Variants in ACTN2 observed in about 807,000 individuals in gnomAD.
The protein encoded by ACTN2 is alpha-actinin-2.
In ACTN2, 39 loss-of-function variants were observed where a neutral mutation model predicts 113.8. The ratio of observed to expected loss-of-function variants is 0.34; its 90% CI spans 0.27 to 0.45. The LOEUF is 0.45. Ranked by LOEUF, ACTN2 falls within the 20% of genes least tolerant of loss-of-function variation. ACTN2 has a pLI of 1.00. For missense variants in ACTN2, 992 were observed against 1,177.9 expected (o/e 0.84, Z 2.31); for synonymous variants, 429 against 444.1 (o/e 0.97, Z 0.43).
In ACTN2 at chr1:236,757,713, A is replaced by G. The variant is rs533866908; in HGVS notation, c.2301+81A>G. The G allele has an allele frequency of 3.0e-5, 47 of 1,563,890 alleles. No individual in the cohort carries two copies. In the African/African-American group the frequency reaches 6.1e-4, roughly 20 times the overall value. On this transcript the variant is annotated intron_variant, in intron 18 of 20. Transcript: ENST00000366578. The stretch of plus-strand genomic sequence containing the variant: ...GAAATAATATGCATGCTCTCGTTTT[A>G]AGTCTTAAGGCTCCACAACATTTAC...
intron 4 of ACTN2, among the ~76,000 whole-genome samples, chr1:236,723,822 C>A (rs2102901656): frequency 6.6e-6 from 1 of 152,180 alleles, no homozygotes. Context: ...AACTTCAACC[C>A]CTTCCTAAGA....
intron 1 of ACTN2, among the ~76,000 whole-genome samples, chr1:236,711,506 G>A (rs1034528011): frequency 2.0e-5 from 3 of 152,078 alleles, no homozygotes; most frequent in African/African-American, 7.2e-5. Context: ...GCGCCACCAC[G>A]CCAGGCTAAG....
In ACTN2 at chr1:236,760,879, G is replaced by A. The variant is rs1017179214; in HGVS notation, c.2368-136G>A. On this transcript the variant is annotated intron_variant, in intron 19 of 20. Coordinates refer to ENST00000366578, the MANE Select transcript of ACTN2 (RefSeq NM_001103.4). Reference sequence around the variant, plus strand: ...ACCCTTAAGGGGAATCTTGTCCAAAGACTGAAGGGAAACGCAGGTAATAAT... The same window carrying A: ...ACCCTTAAGGGGAATCTTGTCCAAAAACTGAAGGGAAACGCAGGTAATAAT... 7.9e-6 allele frequency: 9 copies of A among 1,142,756 alleles called. No individual in the cohort carries two copies. In the African/African-American group the frequency reaches 1.4e-4, roughly 17 times the overall value. 70.8% of individuals were successfully genotyped at this position (1,142,756 alleles called of 1,614,324 possible). A position where few individuals can be genotyped will look rare whatever the true frequency, so the allele number is the denominator to read the frequency against.
chr1:236,757,383 CT>C (rs1383861312), intron 17 of ACTN2, 102 bp from the exon 18 acceptor site: 11 of 1,438,616 alleles, frequency 7.6e-6, no homozygotes, highest in African/African-American at 7.0e-5. Flanking sequence ...ATGAGCCCTG[CT>C]TAGTAAGCCC....
At position 236,739,452 on chromosome 1, in the gene ACTN2, A is replaced by G. The variant is rs772347284; in HGVS notation, c.1027A>G (p.Ile343Val). Residue 343 changes from isoleucine (I) to valine (V), a missense_variant, in exon 10 of 21, where the codon ATC (isoleucine) becomes GTC (valine). Ile to Val is a conservative substitution (Grantham distance 29). Transcript: ENST00000366578. ...PKVQEKCQLE[I>V]NFNTLQTKLR... ...GGTGCAGGAGAAATGCCAGCTGGAG[A>G]TCAACTTCAACACGCTGCAGACCAA... The G allele has an allele frequency of 6.2e-7, 1 of 1,614,082 alleles. No individual in the cohort carries two copies. Among genetic ancestry groups the G allele is most frequent in the Non-Finnish European group, 8.5e-7 (1 of 1,180,022 alleles).
chr1:236,728,617 G>A (rs899609822), intron 6 of ACTN2, among the ~76,000 whole-genome samples: 2 of 134,336 alleles, frequency 1.5e-5, no homozygotes, highest in African/African-American at 6.1e-5. Context: ...TGGGGCAGGC[G>A]TTTTTTTTTA....
chr1:236,726,954 A>AT lies in ACTN2; in HGVS notation c.537-722dup, dbSNP rs543064944. Among the ~76,000 whole-genome samples the AT allele has an allele frequency of 3.5e-4, 53 of 152,314 alleles. 1 individual carries two copies. Among genetic ancestry groups the AT allele is most frequent in the Admixed American group, 3.2e-3 (49 of 15,304 alleles). On this transcript the variant is annotated intron_variant, in intron 5 of 20. Transcript: ENST00000366578. ...TCCTAGTTGGCCCAAGTACTTCAGC[A>AT]TTGTAGCACTGATAACTCTCACGGA...
intron 1 of ACTN2, among the ~76,000 whole-genome samples, chr1:236,691,260 T>C (rs1307122976): frequency 6.6e-6 from 1 of 151,528 alleles, no homozygotes; most frequent in Non-Finnish European, 1.5e-5. Flanking sequence ...CTTTTAAAGA[T>C]AGGATTTATA....
chr1:236,723,662 G>A (rs56904538), intron 4 of ACTN2, among the ~76,000 whole-genome samples: 209 of 151,970 alleles, frequency 1.4e-3, no homozygotes, highest in Non-Finnish European at 2.3e-3. Context: ...GATGGGATTC[G>A]CCATCTTGGG....
chr1:236,734,534 A>G (rs1290776574), intron 7 of ACTN2: 3 of 1,506,750 alleles, frequency 2.0e-6, no homozygotes, highest in East Asian at 4.9e-5. Context: ...GATGTAAACC[A>G]TGAGTCACTG....
chr1:236,746,205 C>T lies in ACTN2; in HGVS notation c.1406+1429C>T, dbSNP rs535526097. 1.1e-3 allele frequency among the ~76,000 whole-genome samples: 164 copies of T among 145,318 alleles called. 1 individual carries two copies. Among genetic ancestry groups the T allele is most frequent in the African/African-American group, 3.4e-3 (136 of 39,436 alleles). On this transcript the variant is annotated intron_variant, in intron 12 of 20. Coordinates refer to ENST00000366578, the MANE Select transcript of ACTN2 (RefSeq NM_001103.4). ...AAAAGAAAGAAAAAAAAAAAGAAAA[C>T]GAACTTAAGCTTTAAGAAAATGGAT...
In ACTN2 at chr1:236,720,136, G is replaced by C; in HGVS notation, c.393G>C (p.Leu131=). 3 of 1,613,678 alleles carry C rather than the reference G, an allele frequency of 1.9e-6. No individual in the cohort carries two copies. Among genetic ancestry groups the C allele is most frequent in the Non-Finnish European group, 2.5e-6 (3 of 1,179,606 alleles). ...EIVDGNVKMT[L]GMIWTIILRF... ...TTGATGGCAACGTGAAAATGACCCT[G>C]GGTATGATCTGGACCATCATCCTTC... Residue 131 remains leucine, a synonymous_variant, in exon 4 of 21, where the codon CTG becomes CTC. Transcript: ENST00000366578.
chr1:236,695,563 T>TTCCCCCCCC (rs1553296741), intron 1 of ACTN2, among the ~76,000 whole-genome samples: 7 of 100,794 alleles, frequency 6.9e-5, no homozygotes, highest in Admixed American at 1.1e-4. Flanking sequence ...TGAAATGAGT[T>TTCCCCCCCC]CCCCCCCCCT....
intron 1 of ACTN2, among the ~76,000 whole-genome samples, chr1:236,703,066 A>G (rs1341977290): frequency 6.6e-6 from 1 of 152,106 alleles, no homozygotes; most frequent in African/African-American, 2.4e-5. Context: ...ATTCATCCCT[A>G]AGAAGAGAAT....
intron 18 of ACTN2, among the ~76,000 whole-genome samples, 165 bp downstream of exon 18, chr1:236,757,797 C>A (rs1047961845): frequency 3.3e-5 from 5 of 152,202 alleles, no homozygotes; most frequent in Non-Finnish European, 7.3e-5. Context: ...GTGTCCTAAG[C>A]TTTGATGTTG....
Position 236,727,612 on chromosome 1 carries a change from T to G in ACTN2, c.537-66T>G, listed in dbSNP as rs1658591311. ...GAAGGAAGGCCAACATCTGACTGAG[T>G]GCAGATGCTGGCTGCTTCTTTCTCT... On this transcript the variant is annotated intron_variant, in intron 5 of 20. Coordinates refer to ENST00000366578, the MANE Select transcript of ACTN2 (RefSeq NM_001103.4). 2.4e-5 allele frequency: 37 copies of G among 1,524,906 alleles called. No individual in the cohort carries two copies. The South Asian group carries it at 4.0e-4, about 17-fold the overall frequency. 94.5% of individuals were successfully genotyped at this position (1,524,906 alleles called of 1,614,324 possible).
At chr1:236,687,507 AG>A (rs1412576487) in intron 1 of ACTN2, among the ~76,000 whole-genome samples, 2 of 152,210 alleles carry the variant, frequency 1.3e-5, no homozygotes, top group East Asian at 3.9e-4. Context: ...GCTCACCAGG[AG>A]GCTTAATCCC....
At chr1:236,759,642 C>G in intron 18 of ACTN2, 82 bp from the exon 19 acceptor site, 1 of 1,207,948 alleles carries the variant, frequency 8.3e-7, no homozygotes. Context: ...GCTTCTCTTA[C>G]CAGATCTTTG....
intron 1 of ACTN2, among the ~76,000 whole-genome samples, chr1:236,693,562 A>G (rs1011327311): frequency 5.9e-5 from 9 of 152,162 alleles, no homozygotes; most frequent in Non-Finnish European, 8.8e-5. Context: ...CGCCCAAGCC[A>G]GAAACCCGAG....
Sources: allele counts gnomAD v4.1 joint callset (sites outside exome capture counted in the v4.1 genomes callset), GRCh38; gene constraint gnomAD v4.1.1; transcripts MANE v1.5; gene names NCBI Gene and HGNC (gene_info 2026-07-23, HGNC 2026-07-21).